The following ADAMTS2 variants were observed in gnomAD, a reference collection of about 807,000 sequenced individuals.
ADAMTS2 encodes A disintegrin and metalloproteinase with thrombospondin motifs 2.
ADAMTS2 carries 50 observed loss-of-function variants against 123.0 expected under a neutral mutation model. The observed-to-expected ratio is 0.41, with a 90% CI of 0.32 to 0.51. The LOEUF is 0.51. ADAMTS2 is among the 20% of genes least tolerant of loss of function. The pLI, the probability that ADAMTS2 is intolerant of heterozygous loss-of-function variation, is 0.35. For missense variants in ADAMTS2, 1,494 were observed against 1,705.2 expected, an observed-to-expected ratio of 0.88 and a Z score of 2.18; for synonymous variants, 678 against 695.4, an observed-to-expected ratio of 0.98 and a Z score of 0.39.
intron 3 of ADAMTS2, among the ~76,000 whole-genome samples, chr5:179,247,726 T>C (rs1038944973): frequency 1.3e-5 from 2 of 152,132 alleles, no homozygotes; most frequent in Non-Finnish European, 2.9e-5. Flanking sequence ...CGGGATGACA[T>C]ATTTAAGGTG....
At position 179,156,157 on chromosome 5, in the gene ADAMTS2, G is replaced by A. The variant is rs562030129; in HGVS notation, c.1133-1238C>T. On this transcript the variant is annotated intron_variant, in intron 6 of 21. Transcript: ENST00000251582. ...CCTACTCAGCATTACAGGAGCCTGC[G>A]AGATCTGAAAGCGCATCTTTATGTT... 7.0e-4 allele frequency among the ~76,000 whole-genome samples: 106 copies of A among 152,144 alleles called. 1 individual carries two copies. The highest frequency in any genetic ancestry group is 2.5e-3 in the African/African-American group (104 of 41,504).
Position 179,175,682 on chromosome 5 carries a change from G to A in ADAMTS2, c.975+5390C>T, listed in dbSNP as rs873987. On this transcript the variant is annotated intron_variant, in intron 5 of 21. Transcript: ENST00000251582. This position sits in a 1 kb window ranked among gnomAD's most constrained non-coding sequence, Gnocchi z 4.1. ...GACTCCTCTCCTAACTCTACAAGTT[G>A]TACCGTGGATTCTTTTAGGTTTTCC... 0.028 allele frequency among the ~76,000 whole-genome samples: 4,240 copies of A among 152,294 alleles called. 329 individuals carry two copies. In the East Asian group the frequency reaches 0.29, roughly 10 times the overall value.
rs368462217 is a variant in ADAMTS2 at position 179,114,123 on chromosome 5, G to T, written c.3380C>A (p.Thr1127Asn). 2.5e-6 allele frequency: 4 copies of T among 1,613,978 alleles called. No individual in the cohort carries two copies. The African/African-American group carries it at 5.3e-5, about 22-fold the overall frequency. Reference sequence around the variant, plus strand: ...TGATGGCCGCACCTCCATGGCTACAGTGGGCACTGGGAGGGTAGGCATGAA... The same window carrying T: ...TGATGGCCGCACCTCCATGGCTACATTGGGCACTGGGAGGGTAGGCATGAA... ...DVFMPTLPVP[T>N]VAMEVRPSPS... Residue 1127 changes from threonine (T) to asparagine (N), a missense_variant, in exon 22 of 22, where the codon ACT (threonine) becomes AAT (asparagine). Thr to Asn is a moderately conservative substitution (Grantham distance 65, BLOSUM62 0). Around this residue, in one of 6 missense-constraint regions of ADAMTS2, gnomAD observed 953 missense variants for 1,124.7 expected, o/e 0.85. Transcript: ENST00000251582.
At chr5:179,153,447 C>G in intron 9 of ADAMTS2, 44 bp downstream of exon 9, 1 of 1,599,790 alleles carries the variant, frequency 6.3e-7, no homozygotes, top group African/African-American at 1.3e-5. Context: ...AGCACGCCTC[C>G]CCCCAGACCT....
chr5:179,306,126 A>G (rs1444108640), intron 2 of ADAMTS2, among the ~76,000 whole-genome samples: 1 of 152,058 alleles, frequency 6.6e-6, no homozygotes, highest in Non-Finnish European at 1.5e-5. Flanking sequence ...AGACAAAGAC[A>G]GTTCAATAAA....
rs1766271606 is a variant in ADAMTS2, at chr5:179,262,981, G to A, written c.688+9930C>T. ...CCCCCTAAGCAGTAGAGCTGCTAATGCTATTATTCCCCCATGATTTGGGGA... is the reference window on the plus strand; with the variant it reads ...CCCCCTAAGCAGTAGAGCTGCTAATACTATTATTCCCCCATGATTTGGGGA... On this transcript the variant is annotated intron_variant, in intron 3 of 21. Coordinates refer to ENST00000251582, the MANE Select transcript of ADAMTS2 (RefSeq NM_014244.5). The surrounding 1 kb of genome is among the most constrained non-coding windows in gnomAD (Gnocchi z 5.9). 6.6e-6 allele frequency among the ~76,000 whole-genome samples: 1 copy of A among 152,022 alleles called. No individual in the cohort carries two copies. The highest frequency in any genetic ancestry group is 1.5e-5 in the Non-Finnish European group (1 of 68,032).
chr5:179,137,097 C>T (rs112158313), intron 12 of ADAMTS2, among the ~76,000 whole-genome samples: 2,921 of 152,310 alleles, frequency 0.019, 41 homozygotes, highest in Non-Finnish European at 0.028. Flanking sequence ...GCAACTAAAA[C>T]GCTGGGCCCC....
At chr5:179,150,206 G>T (rs1763328838) in intron 10 of ADAMTS2, among the ~76,000 whole-genome samples, 1 of 152,078 alleles carries the variant, frequency 6.6e-6, no homozygotes, top group African/African-American at 2.4e-5. Flanking sequence ...CCTGCCTGGG[G>T]TGGGTGCGGC....
intron 2 of ADAMTS2, among the ~76,000 whole-genome samples, chr5:179,331,593 G>T (rs1280627307): frequency 1.4e-5 from 1 of 71,194 alleles, no homozygotes; most frequent in Non-Finnish European, 2.7e-5. Context: ...AGAGGAGGGG[G>T]AAGGGAGGGA....
chr5:179,284,104 A>C (rs1382210262), intron 2 of ADAMTS2, among the ~76,000 whole-genome samples: 1 of 151,336 alleles, frequency 6.6e-6, no homozygotes. Flanking sequence ...GACGAGGCGA[A>C]TGGATCACAA....
chr5:179,147,660 C>T (rs1305973571), intron 10 of ADAMTS2, among the ~76,000 whole-genome samples: 2 of 152,166 alleles, frequency 1.3e-5, no homozygotes, highest in Non-Finnish European at 2.9e-5. Flanking sequence ...CTGGAAGCTA[C>T]TATTACACCT....
chr5:179,216,454 G>A (rs1430901564), intron 3 of ADAMTS2, among the ~76,000 whole-genome samples: 1 of 150,828 alleles, frequency 6.6e-6, no homozygotes, highest in Non-Finnish European at 1.5e-5. Context: ...AGGCCGTGGC[G>A]AGCTTAGAAG....
In ADAMTS2 at chr5:179,221,079, T is replaced by C. The variant is rs1375993696; in HGVS notation, c.689-13364A>G. 3.9e-5 allele frequency among the ~76,000 whole-genome samples: 6 copies of C among 152,088 alleles called. No homozygotes were observed. In the East Asian group the frequency reaches 1.2e-3, roughly 29 times the overall value. On this transcript the variant is annotated intron_variant, in intron 3 of 21. Coordinates refer to ENST00000251582, the MANE Select transcript of ADAMTS2 (RefSeq NM_014244.5). ...CCAAGCACAGGCTCTTCCTAGCTGA[T>C]TGTGGGACCTGGGGCAGCCCTGCAC...
intron 2 of ADAMTS2, among the ~76,000 whole-genome samples, chr5:179,334,369 C>T (rs1757556998): frequency 6.6e-6 from 1 of 152,170 alleles, no homozygotes; most frequent in Non-Finnish European, 1.5e-5. Context: ...AATCGCAACA[C>T]CTCTGGCTTT....
rs549029071 is a variant in ADAMTS2 at position 179,202,287 on chromosome 5, C to T, written c.891+5226G>A. 1.8e-3 allele frequency among the ~76,000 whole-genome samples: 270 copies of T among 152,156 alleles called. No individual in the cohort carries two copies. Among genetic ancestry groups the T allele is most frequent in the Non-Finnish European group, 2.9e-3 (195 of 68,004 alleles). ...TGCCTCAGGGCCTTGGCGCCGCCTG[C>T]CCCCTCCCCCAAACCTGGAACAGGC... On this transcript the variant is annotated intron_variant, in intron 4 of 21. Transcript: ENST00000251582. This position sits in a 1 kb window ranked among gnomAD's most constrained non-coding sequence, Gnocchi z 4.0.
At chr5:179,299,877 A>G (rs1440717301) in intron 2 of ADAMTS2, among the ~76,000 whole-genome samples, 27 of 151,264 alleles carry the variant, frequency 1.8e-4, no homozygotes, top group Non-Finnish European at 2.5e-4. Flanking sequence ...GGCGGATCAC[A>G]AGGTCAGGAG....
rs186344951 is a variant in ADAMTS2 at position 179,229,301 on chromosome 5, A to C, written c.689-21586T>G. 1.2e-3 allele frequency among the ~76,000 whole-genome samples: 181 copies of C among 146,464 alleles called. 2 individuals carry two copies. The highest frequency in any genetic ancestry group is 4.4e-3 in the African/African-American group (174 of 39,126). ...ACTCCCGACGGAGAGGTAATTCCACAAACACGAGACCCCGCTGCCCACTCC... is the reference window on the plus strand; with the variant it reads ...ACTCCCGACGGAGAGGTAATTCCACCAACACGAGACCCCGCTGCCCACTCC... On this transcript the variant is annotated intron_variant, in intron 3 of 21. Coordinates refer to ENST00000251582, the MANE Select transcript of ADAMTS2 (RefSeq NM_014244.5).
chr5:179,271,723 G>A (rs1453965972), intron 3 of ADAMTS2, among the ~76,000 whole-genome samples: 1 of 152,250 alleles, frequency 6.6e-6, no homozygotes, highest in East Asian at 1.9e-4. Context: ...TGGCTCCAGA[G>A]TACATTGGGC....
At chr5:179,122,975 A>C in intron 19 of ADAMTS2, 1 of 707,038 alleles carries the variant, frequency 1.4e-6, no homozygotes, top group Non-Finnish European at 2.4e-6. Flanking sequence ...GAAGGGACCC[A>C]CATGCCTGTC....
Sources: gnomAD v4.1 joint callset for allele counts (sites outside exome capture counted in the v4.1 genomes callset) on GRCh38, gnomAD v4.1.1 for gene constraint, gnomAD v4.1.1 regional missense constraint, Gnocchi (gnomAD v3.1) non-coding constraint, MANE v1.5 for transcripts, NCBI Gene and HGNC (gene_info 2026-07-23, HGNC 2026-07-21) for gene names.